The following HEPH variants were observed in gnomAD, a reference collection of about 807,000 sequenced individuals.
HEPH encodes hephaestin.
Under a neutral mutation model 80.8 loss-of-function variants are expected in HEPH, and 69 were observed. That is an observed-to-expected ratio of 0.85 (90% CI 0.70 to 1.04). The LOEUF is 1.04. HEPH is among the 50% of genes least tolerant of loss of function. The pLI, the probability that HEPH is intolerant of heterozygous loss-of-function variation, is 0.00. For synonymous variants in HEPH, 431 were observed against 322.8 expected (o/e 1.34, Z -3.60); for missense variants, 1,115 against 891.3 (o/e 1.25, Z -3.20).
chrX:66,225,942 T>C (rs2089869124), intron 15 of HEPH, among the ~76,000 whole-genome samples: 1 of 112,072 alleles, frequency 8.9e-6, no homozygotes, highest in Non-Finnish European at 1.9e-5. Flanking sequence ...CTCCAACAAC[T>C]GAGCTCCCTG....
chrX:66,249,575 T>G (rs1210233913), intron 15 of HEPH, among the ~76,000 whole-genome samples: 1 of 111,420 alleles, frequency 9.0e-6, no homozygotes, highest in Non-Finnish European at 1.9e-5. Context: ...AAATAGAAAT[T>G]TGAAGAAGCA....
intron 1 of HEPH, among the ~76,000 whole-genome samples, chrX:66,166,217 G>A (rs924249036): frequency 8.1e-5 from 9 of 111,117 alleles, no homozygotes; most frequent in Admixed American, 3.8e-4. Context: ...TTTGAGACCC[G>A]TGTTTCACTC....
rs764459964 is a variant in HEPH at position 66,207,276 on chromosome X, T to A, written c.2373T>A (p.Asp791Glu). ...AAGCTGTATTCAGGGAATACACTGA[T>A]GGTACATTCAGGATCCCTCGGCCAA... The part of the protein sequence containing the change: ...YKKAVFREYT[D>E]GTFRIPRPRT... The change falls in exon 14 of 21, where the codon GAT becomes GAA. Residue 791 changes from aspartate to glutamate, a missense_variant. By Grantham distance (45) the Asp-to-Glu change is conservative. Transcript: ENST00000343002. 1.3e-5 allele frequency: 16 copies of A among 1,203,302 alleles called. No homozygotes were observed. The highest frequency in any genetic ancestry group is 1.7e-5 in the Non-Finnish European group (15 of 889,896).
At position 66,214,015 on chromosome X, in the gene HEPH, C is replaced by T. The variant is rs138048419; in HGVS notation, c.2563+5769C>T. Reference sequence around the variant, plus strand: ...ACAGTTTCTTTTATCTCAGCACTCCCTATTGCACTACCCCCTTCCATGTGG... The same window carrying T: ...ACAGTTTCTTTTATCTCAGCACTCCTTATTGCACTACCCCCTTCCATGTGG... On this transcript the variant is annotated intron_variant, in intron 15 of 20. Transcript: ENST00000343002. 2.3e-3 allele frequency among the ~76,000 whole-genome samples: 258 copies of T among 112,346 alleles called. 5 individuals carry two copies. The East Asian group carries it at 0.046, about 20-fold the overall frequency.
chrX:66,244,894 G>GT (rs35080785), intron 15 of HEPH, among the ~76,000 whole-genome samples: 10,595 of 94,534 alleles, frequency 0.11, 1,208 homozygotes, highest in African/African-American at 0.34. Flanking sequence ...TCAGTAGAAT[G>GT]TTTTTTTTTT....
At chrX:66,205,616 G>T (rs1310631931) in intron 13 of HEPH, among the ~76,000 whole-genome samples, 1 of 103,289 alleles carries the variant, frequency 9.7e-6, no homozygotes, top group African/African-American at 3.6e-5. Flanking sequence ...TTTTTTTTGA[G>T]ATAGAGTCTC....
intron 15 of HEPH, among the ~76,000 whole-genome samples, chrX:66,223,809 T>C (rs2089758416): frequency 8.9e-6 from 1 of 112,229 alleles, no homozygotes; most frequent in African/African-American, 3.2e-5. Context: ...AGGCATATTT[T>C]ACGTTCCTTA....
chrX:66,178,711 T>A (rs1471296261), intron 4 of HEPH, among the ~76,000 whole-genome samples: 3 of 112,682 alleles, frequency 2.7e-5, no homozygotes, highest in Non-Finnish European at 5.6e-5. Flanking sequence ...ATGAGCATTT[T>A]TTCATGTGTC....
intron 10 of HEPH, among the ~76,000 whole-genome samples, chrX:66,198,285 C>T (rs972740133): frequency 2.7e-5 from 3 of 109,836 alleles, no homozygotes; most frequent in African/African-American, 1.0e-4. Context: ...TGTATTCAGC[C>T]CACAATTTCT....
intron 15 of HEPH, among the ~76,000 whole-genome samples, chrX:66,215,276 G>A (rs1269209716): frequency 6.3e-5 from 7 of 110,747 alleles, no homozygotes; most frequent in African/African-American, 2.0e-4. Context: ...TGTGTAAGTT[G>A]AACCTGTATC....
At chrX:66,225,186 T>G (rs906607824) in intron 15 of HEPH, among the ~76,000 whole-genome samples, 2 of 111,641 alleles carry the variant, frequency 1.8e-5, no homozygotes, top group African/African-American at 6.5e-5. Context: ...ACAAAAAGTT[T>G]TAACTTTTCC....
At chrX:66,193,120 T>C (rs1379429944) in intron 7 of HEPH, among the ~76,000 whole-genome samples, 1 of 111,112 alleles carries the variant, frequency 9.0e-6, no homozygotes, top group Non-Finnish European at 1.9e-5. Flanking sequence ...GAAAGGATTA[T>C]TAATACCTAA....
chrX:66,200,126 A>G (rs1319032486), intron 11 of HEPH, among the ~76,000 whole-genome samples: 2 of 110,807 alleles, frequency 1.8e-5, no homozygotes, highest in Non-Finnish European at 3.8e-5. Context: ...GGGGGCGTGG[A>G]AAATGAGATC....
intron 15 of HEPH, among the ~76,000 whole-genome samples, chrX:66,211,538 A>T (rs1336911387): frequency 9.0e-6 from 1 of 110,661 alleles, no homozygotes; most frequent in Non-Finnish European, 1.9e-5. Flanking sequence ...TCCACTCTTC[A>T]CTTCCATATG....
intron 15 of HEPH, among the ~76,000 whole-genome samples, chrX:66,216,792 T>C (rs1184800026): frequency 2.7e-5 from 3 of 110,798 alleles, no homozygotes; most frequent in Non-Finnish European, 5.7e-5. Flanking sequence ...CAGAGAAAGG[T>C]GAATAACAAC....
chrX:66,197,664 T>A lies in HEPH; in HGVS notation c.1502-19T>A. 8.6e-7 allele frequency: 1 copy of A among 1,157,975 alleles called. No individual in the cohort carries two copies. The highest frequency in any genetic ancestry group is 1.2e-6 in the Non-Finnish European group (1 of 846,992). On this transcript the variant is annotated intron_variant, in intron 9 of 20. Transcript: ENST00000343002. The stretch of plus-strand genomic sequence containing the variant: ...CATTCTAGTCAATCTAAGTAATGAG[T>A]CCCATATTTTCACTACAGGCTCATC...
intron 15 of HEPH, among the ~76,000 whole-genome samples, chrX:66,213,158 C>A (rs1048275953): frequency 8.2e-5 from 9 of 109,733 alleles, no homozygotes; most frequent in African/African-American, 3.0e-4. Flanking sequence ...AGCATTAGGT[C>A]TATCTCCCAA....
chrX:66,216,271 G>A (rs2089390402), intron 15 of HEPH, among the ~76,000 whole-genome samples: 1 of 111,756 alleles, frequency 8.9e-6, no homozygotes, highest in Admixed American at 9.5e-5. Flanking sequence ...CTGATTGGAG[G>A]CCAAACAACA....
intron 15 of HEPH, among the ~76,000 whole-genome samples, chrX:66,228,555 C>T (rs2089986128): frequency 8.9e-6 from 1 of 112,471 alleles, no homozygotes; most frequent in Non-Finnish European, 1.9e-5. Context: ...ACTAAAGTTA[C>T]TGCACAGCAA....
Sources: allele counts gnomAD v4.1 joint callset (sites outside exome capture counted in the v4.1 genomes callset), GRCh38; gene constraint gnomAD v4.1.1; transcripts MANE v1.5; gene names NCBI Gene and HGNC (gene_info 2026-07-23, HGNC 2026-07-21).